The following CNTN1 variants were observed in gnomAD, a reference collection of about 807,000 sequenced individuals.
CNTN1 encodes the protein contactin-1.
A neutral mutation model predicts 126.4 loss-of-function variants in CNTN1; 38 were observed. That is an observed-to-expected ratio of 0.30 (90% confidence interval 0.23 to 0.39). CNTN1 has a LOEUF of 0.39. Ranked by LOEUF, CNTN1 falls within the 10% of genes least tolerant of loss-of-function variation. The probability of loss-of-function intolerance (pLI) is 1.00; values close to 1 mark genes in which losing one functional copy is unlikely to be tolerated. For missense variants in CNTN1, 1,009 were observed against 1,248.4 expected, an observed-to-expected ratio of 0.81 and a Z score of 2.89; for synonymous variants, 413 against 422.6, an observed-to-expected ratio of 0.98 and a Z score of 0.28.
At chr12:40,769,821 A>G (rs1444357040) in intron 1 of CNTN1, among the ~76,000 whole-genome samples, 1 of 152,198 alleles carries the variant, frequency 6.6e-6, no homozygotes, top group Non-Finnish European at 1.5e-5. Context: ...TAAAGGCAAT[A>G]ATAAATTGTA....
At chr12:41,015,023 C>A (rs1433518670) in intron 18 of CNTN1, among the ~76,000 whole-genome samples, 1 of 152,074 alleles carries the variant, frequency 6.6e-6, no homozygotes, top group Non-Finnish European at 1.5e-5. Context: ...TCAAAGAGCA[C>A]AATTTAGGCT....
intron 1 of CNTN1, chr12:40,729,821 TG>T: frequency 5.1e-6 from 1 of 195,812 alleles, no homozygotes. Flanking sequence ...CACTATTCCT[TG>T]CTGGTCACAG....
chr12:40,745,901 G>T (rs1271596030), intron 1 of CNTN1, among the ~76,000 whole-genome samples: 1 of 152,136 alleles, frequency 6.6e-6, no homozygotes, highest in African/African-American at 2.4e-5. Context: ...ATGAGACTTT[G>T]TGGTTTGTAG....
rs189277068 is a variant in CNTN1, at chr12:40,943,529, A to T, written c.1380-68A>T. On this transcript the variant is annotated intron_variant, in intron 12 of 23. Transcript: ENST00000551295. ...ATAATTGAAAAATATTAGTGTTTGT[A>T]ATCTAAGACATAATAATGTATTTTA... 1,204 of 1,193,394 alleles carry T rather than the reference A, an allele frequency of 1.0e-3. 13 individuals carry two copies. Among genetic ancestry groups the T allele is most frequent in the Middle Eastern group, 3.1e-3 (15 of 4,890 alleles). The allele number at this position is 1,193,394 out of a possible 1,614,324, so 73.9% of individuals were successfully genotyped here.
chr12:40,923,739 A>C (rs1251936624), intron 5 of CNTN1, among the ~76,000 whole-genome samples: 2 of 152,186 alleles, frequency 1.3e-5, no homozygotes, highest in Admixed American at 1.3e-4. Context: ...GCTATTGAGG[A>C]TAGGGATGGC....
chr12:40,951,992 G>A (rs1287529760), intron 14 of CNTN1, among the ~76,000 whole-genome samples: 5 of 152,020 alleles, frequency 3.3e-5, no homozygotes, highest in Admixed American at 2.6e-4. Context: ...GTTTACAATT[G>A]TTAATCTAGT....
chr12:40,744,837 C>T (rs372607150), intron 1 of CNTN1, among the ~76,000 whole-genome samples: 5 of 151,928 alleles, frequency 3.3e-5, no homozygotes, highest in Admixed American at 2.6e-4. Context: ...CTCATGGAGG[C>T]GTTTAACACC....
At chr12:40,935,159 G>A (rs541843771) in intron 9 of CNTN1, among the ~76,000 whole-genome samples, 2 of 152,012 alleles carry the variant, frequency 1.3e-5, no homozygotes, top group Admixed American at 6.6e-5. Context: ...CTTCAGACTC[G>A]TATGTCCAAT....
At chr12:41,011,804 C>T (rs956104367) in intron 17 of CNTN1, among the ~76,000 whole-genome samples, 1 of 152,130 alleles carries the variant, frequency 6.6e-6, no homozygotes, top group Non-Finnish European at 1.5e-5. Context: ...AAAGTGTTTA[C>T]CCTTAGAGAA....
At chr12:40,718,035 A>G (rs1326361622) in intron 1 of CNTN1, among the ~76,000 whole-genome samples, 3 of 152,184 alleles carry the variant, frequency 2.0e-5, no homozygotes, top group Non-Finnish European at 2.9e-5. Context: ...ATGTTTTCAC[A>G]TGGAATTGGG....
intron 3 of CNTN1, among the ~76,000 whole-genome samples, chr12:40,911,247 A>G (rs966140302): frequency 5.9e-5 from 9 of 151,832 alleles, no homozygotes; most frequent in Non-Finnish European, 1.0e-4. Context: ...CGCCCGGCTA[A>G]TTTTTTGTAT....
At chr12:40,943,247 C>T (rs1044751898) in intron 12 of CNTN1, among the ~76,000 whole-genome samples, 4 of 152,042 alleles carry the variant, frequency 2.6e-5, no homozygotes, top group African/African-American at 7.2e-5. Flanking sequence ...GGCAATCTGT[C>T]CTCACCTCCT....
chr12:41,030,962 C>T (rs1317842984), intron 23 of CNTN1, among the ~76,000 whole-genome samples: 1 of 152,114 alleles, frequency 6.6e-6, no homozygotes, highest in African/African-American at 2.4e-5. Flanking sequence ...GAAATATGGC[C>T]ATTATTTCAA....
intron 1 of CNTN1, among the ~76,000 whole-genome samples, chr12:40,830,585 T>C (rs1491001451): frequency 2.0e-5 from 3 of 151,038 alleles, no homozygotes; most frequent in African/African-American, 7.3e-5. Context: ...TTTACTAATA[T>C]AAGGGTTTAT....
intron 14 of CNTN1, among the ~76,000 whole-genome samples, chr12:40,955,983 C>T (rs1946866067): frequency 6.6e-6 from 1 of 152,010 alleles, no homozygotes; most frequent in Non-Finnish European, 1.5e-5. Flanking sequence ...GAGTTAGGTG[C>T]AGGGGTAATC....
intron 23 of CNTN1, among the ~76,000 whole-genome samples, chr12:41,044,140 A>C (rs1196633013): frequency 6.6e-6 from 1 of 151,812 alleles, no homozygotes; most frequent in Non-Finnish European, 1.5e-5. Context: ...CCTAAAACTT[A>C]AAGTATAATA....
chr12:40,930,116 T>C (rs1019264144), intron 7 of CNTN1, 114 bp downstream of exon 7: 2 of 880,846 alleles, frequency 2.3e-6, no homozygotes, highest in African/African-American at 3.3e-5. Flanking sequence ...GGAAGGACAA[T>C]ATAAAAGGGG....
chr12:40,862,942 A>G (rs573329792), intron 1 of CNTN1, among the ~76,000 whole-genome samples: 1 of 152,286 alleles, frequency 6.6e-6, no homozygotes, highest in East Asian at 1.9e-4. Context: ...GCATTTTTAT[A>G]TTTATTAAAT....
At chr12:40,837,832 T>C (rs1278042646) in intron 1 of CNTN1, among the ~76,000 whole-genome samples, 2 of 152,088 alleles carry the variant, frequency 1.3e-5, no homozygotes, top group Admixed American at 6.5e-5. Context: ...CACTGAGACA[T>C]GGATGCCAGC....
Sources: gnomAD v4.1 joint callset for allele counts (sites outside exome capture counted in the v4.1 genomes callset) on GRCh38, gnomAD v4.1.1 for gene constraint, MANE v1.5 for transcripts, NCBI Gene and HGNC (gene_info 2026-07-23, HGNC 2026-07-21) for gene names.